The following TRMT10B variants were observed in gnomAD, a reference collection of about 807,000 sequenced individuals.
The protein encoded by TRMT10B is tRNA methyltransferase 10B, also known as tRNA methyltransferase 10 homolog B.
In TRMT10B, 33 loss-of-function variants were observed where a neutral mutation model predicts 43.8. The ratio of observed to expected loss-of-function variants is 0.75; its 90% CI spans 0.57 to 1.01. TRMT10B has a LOEUF of 1.01. Ranked by LOEUF, TRMT10B falls within the 50% of genes least tolerant of loss-of-function variation. The pLI is 0.00. For missense variants in TRMT10B, 362 were observed against 369.8 expected, an observed-to-expected ratio of 0.98 and a Z score of 0.17; for synonymous variants, 137 against 130.6, an observed-to-expected ratio of 1.05 and a Z score of -0.34.
In TRMT10B at chr9:37,761,968, G is replaced by C. The variant is rs976754591; in HGVS notation, c.37G>C (p.Glu13Gln). 1.2e-6 allele frequency: 2 copies of C among 1,613,922 alleles called. No individual in the cohort carries two copies. Among genetic ancestry groups the C allele is most frequent in the African/African-American group, 2.7e-5 (2 of 75,052 alleles). The change falls in exon 2 of 9, where the codon GAG becomes CAG. Residue 13 changes from glutamate (E) to glutamine (Q), a missense_variant. By Grantham distance (29) the Glu-to-Gln change is conservative. Coordinates refer to ENST00000297994, the MANE Select transcript of TRMT10B (RefSeq NM_144964.4). ...ATTGGAAGGGAGTACTCAGAAAGTAGAGTCACCTGTGCTGCAGGGGCAAGA... is the reference window on the plus strand; with the variant it reads ...ATTGGAAGGGAGTACTCAGAAAGTACAGTCACCTGTGCTGCAGGGGCAAGA... ...WKLEGSTQKV[E>Q]SPVLQGQEGI...
Position 37,763,603 on chromosome 9 carries a change from A to C in TRMT10B, c.296-26A>C, listed in dbSNP as rs374969146. On this transcript the variant is annotated intron_variant, in intron 3 of 8. Coordinates refer to ENST00000297994, the MANE Select transcript of TRMT10B (RefSeq NM_144964.4). ...AATATTCCTCTGGTTTTCCACTTTT[A>C]TTTCTTTCTGATATTTCTGCTTTAG... 7.7e-5 allele frequency: 123 copies of C among 1,600,704 alleles called. No individual in the cohort carries two copies. The African/African-American group carries it at 1.4e-3, about 19-fold the overall frequency.
intron 1 of TRMT10B, among the ~76,000 whole-genome samples, chr9:37,755,861 C>T (rs1436696999): frequency 6.6e-6 from 1 of 151,802 alleles, no homozygotes; most frequent in Non-Finnish European, 1.5e-5. Flanking sequence ...TTTCAAGGTT[C>T]TATACTGTGA....
intron 1 of TRMT10B, among the ~76,000 whole-genome samples, chr9:37,760,242 A>T (rs141947441): frequency 0.022 from 3,373 of 152,344 alleles, 61 homozygotes; most frequent in Middle Eastern, 0.068. Context: ...GAATTGTTTG[A>T]ACCTGGGAGG....
At chr9:37,756,366 C>G (rs577414783) in intron 1 of TRMT10B, among the ~76,000 whole-genome samples, 2 of 151,762 alleles carry the variant, frequency 1.3e-5, no homozygotes, top group East Asian at 3.9e-4. Flanking sequence ...TCTGTTCATT[C>G]ATCTAAAAGA....
chr9:37,762,649 A>G lies in TRMT10B; in HGVS notation c.259A>G (p.Lys87Glu). The change falls in exon 3 of 9, where the codon AAA (lysine) becomes GAA (glutamate). Residue 87 changes from lysine to glutamate, a missense_variant. Lys to Glu is a moderately conservative substitution (Grantham distance 56). Transcript: ENST00000297994. ...AAAGAAGAGCAAAAGAAAGCAAGAA[A>G]AAGAACGAAGAAAAGCCAATCGTGC... is the stretch of plus-strand genomic sequence containing the variant. ...AAKKSKRKQE[K>E]ERRKANRAEN... 6.3e-7 allele frequency: 1 copy of G among 1,595,472 alleles called. No individual in the cohort carries two copies. Among genetic ancestry groups the G allele is most frequent in the Non-Finnish European group, 8.5e-7 (1 of 1,169,854 alleles).
At chr9:37,771,305 G>A (rs1827552228) in intron 7 of TRMT10B, among the ~76,000 whole-genome samples, 1 of 152,146 alleles carries the variant, frequency 6.6e-6, no homozygotes. Flanking sequence ...AAATATAAAA[G>A]AGTAGAATGA....
chr9:37,773,220 G>A (rs80353965), intron 7 of TRMT10B, among the ~76,000 whole-genome samples: 2,858 of 152,146 alleles, frequency 0.019, 87 homozygotes, highest in African/African-American at 0.066. Context: ...CAATCCTTGC[G>A]CCTCAGCCTC....
In TRMT10B at chr9:37,762,095, C is replaced by T. The variant is rs1563989425; in HGVS notation, c.164C>T (p.Thr55Ile). 1.2e-6 allele frequency: 2 copies of T among 1,613,806 alleles called. No homozygotes were observed. Among genetic ancestry groups the T allele is most frequent in the South Asian group, 2.2e-5 (2 of 91,040 alleles). The change falls in exon 2 of 9, where the codon ACA (threonine) becomes ATA (isoleucine). Residue 55 changes from threonine (T) to isoleucine (I), a missense_variant. Physicochemically the swap from Thr to Ile is moderately conservative, Grantham distance 89 (BLOSUM62 -1). Transcript: ENST00000297994. Reference protein sequence around the residue: ...GECQEGEILATGSTAWCSKNV... With the variant: ...GECQEGEILAIGSTAWCSKNV... ...TGCCAGGAGGGAGAGATCCTGGCCA[C>T]AGGCAGTACGGCATGGTGCTCGGTG...
chr9:37,764,966 G>A (rs1248983018), intron 4 of TRMT10B, among the ~76,000 whole-genome samples: 1 of 152,108 alleles, frequency 6.6e-6, no homozygotes, highest in Non-Finnish European at 1.5e-5. Context: ...GGTGGGCTTT[G>A]TAGTATCCAG....
In TRMT10B at chr9:37,769,891, C is replaced by T. The variant is rs374168067; in HGVS notation, c.574-50C>T. The T allele has an allele frequency of 1.3e-5, 19 of 1,497,058 alleles. No individual in the cohort carries two copies. The African/African-American group carries it at 2.2e-4, about 17-fold the overall frequency. 92.7% of individuals were successfully genotyped at this position (1,497,058 alleles called of 1,614,324 possible). A position where few individuals can be genotyped will look rare whatever the true frequency, so the allele number is the denominator to read the frequency against. ...GTTCTGGGATTACAGACGTGAGCCA[C>T]CCCACCCAGCCGTGAGCTGTTTTAA... is the stretch of plus-strand genomic sequence containing the variant. On this transcript the variant is annotated intron_variant, in intron 5 of 8. Transcript: ENST00000297994.
At chr9:37,754,950 GC>G (rs1825456424) in intron 1 of TRMT10B, among the ~76,000 whole-genome samples, 1 of 152,188 alleles carries the variant, frequency 6.6e-6, no homozygotes. Context: ...CAAAGGTGCT[GC>G]CAGGATTGGG....
intron 1 of TRMT10B, among the ~76,000 whole-genome samples, chr9:37,759,829 T>G (rs1589010661): frequency 6.6e-6 from 1 of 152,248 alleles, no homozygotes; most frequent in African/African-American, 2.4e-5. Context: ...AAACAAAAAC[T>G]TTCTGCGGTG....
intron 1 of TRMT10B, among the ~76,000 whole-genome samples, chr9:37,757,604 A>G (rs1029376686): frequency 6.6e-6 from 1 of 152,226 alleles, no homozygotes; most frequent in African/African-American, 2.4e-5. Context: ...TCAGGAATAT[A>G]TCTGGTGGTC....
rs149038692 is a variant in TRMT10B, at chr9:37,774,188, G to T, written c.721-2094G>T. On this transcript the variant is annotated intron_variant, in intron 7 of 8. Transcript: ENST00000297994. ...CCATGCCCAGCTAATTTTTTGTTGA[G>T]TTGGGGTTTCACCGTATGGCCCATG... Among the ~76,000 whole-genome samples the T allele has an allele frequency of 3.1e-3, 476 of 152,162 alleles. 1 individual carries two copies. The highest frequency in any genetic ancestry group is 5.7e-3 in the Non-Finnish European group (391 of 68,006).
chr9:37,762,545 C>A (rs1302120319), intron 2 of TRMT10B, 32 bp from the exon 3 acceptor site: 3 of 1,551,060 alleles, frequency 1.9e-6, no homozygotes, highest in Admixed American at 4.1e-5. Flanking sequence ...TTATGAAGTT[C>A]TCAAACAATT....
chr9:37,763,921 C>T lies in TRMT10B; in HGVS notation c.420+168C>T, dbSNP rs138348441. ...CTAAGTTCCAAGGTGGCTGTTGTAA[C>T]GAACCTGGAAGAGAATATATATAGT... On this transcript the variant is annotated intron_variant, in intron 4 of 8. Transcript: ENST00000297994. 54 of 1,376,610 alleles carry T rather than the reference C, an allele frequency of 3.9e-5. No individual in the cohort carries two copies. In the African/African-American group the frequency reaches 5.4e-4, roughly 14 times the overall value. 85.3% of individuals were successfully genotyped at this position (1,376,610 alleles called of 1,614,324 possible).
chr9:37,768,258 T>C lies in TRMT10B; in HGVS notation c.573+30T>C, dbSNP rs189290313. ...GTCTCTTTTTGCATATTATTTGAATTGTCATCTGAAAAGTTATTGTGGTTA... is the reference window on the plus strand; with the variant it reads ...GTCTCTTTTTGCATATTATTTGAATCGTCATCTGAAAAGTTATTGTGGTTA... On this transcript the variant is annotated intron_variant, in intron 5 of 8. Transcript: ENST00000297994. The C allele has an allele frequency of 1.1e-3, 1,775 of 1,579,996 alleles. 1 individual carries two copies. Among genetic ancestry groups the C allele is most frequent in the Admixed American group, 1.5e-3 (86 of 56,036 alleles).
At chr9:37,763,932 G>T in intron 4 of TRMT10B, 179 bp downstream of exon 4, 1 of 1,292,692 alleles carries the variant, frequency 7.7e-7, no homozygotes. Context: ...GAACCTGGAA[G>T]AGAATATATA....
Position 37,777,700 on chromosome 9 carries a change from T to C in TRMT10B, c.944T>C (p.Val315Ala). Reference sequence around the variant, plus strand: ...AAAGGCTATATTCTTCGGAACTCAGTGGAATGATGGGCCTAAGATTGCAGC... The same window carrying C: ...AAAGGCTATATTCTTCGGAACTCAGCGGAATGATGGGCCTAAGATTGCAGC... ...SGKGYILRNSVE is the reference protein window; with the variant it reads ...SGKGYILRNSAE Residue 315 changes from valine (V) to alanine (A), a missense_variant, in exon 9 of 9, where the codon GTG becomes GCG. Physicochemically the swap from Val to Ala is moderately conservative, Grantham distance 64. Coordinates refer to ENST00000297994, the MANE Select transcript of TRMT10B (RefSeq NM_144964.4). 1 of 1,613,416 alleles carries C rather than the reference T, an allele frequency of 6.2e-7. No individual in the cohort carries two copies. The highest frequency in any genetic ancestry group is 8.5e-7 in the Non-Finnish European group (1 of 1,179,514).
Sources: allele counts gnomAD v4.1 joint callset (sites outside exome capture counted in the v4.1 genomes callset), GRCh38; gene constraint gnomAD v4.1.1; transcripts MANE v1.5; gene names NCBI Gene and HGNC (gene_info 2026-07-23, HGNC 2026-07-21).